DYRK1A: variants seen among roughly 807,000 people sequenced by gnomAD.
DYRK1A encodes the protein dual specificity tyrosine phosphorylation regulated kinase 1A.
In DYRK1A, 9 loss-of-function variants were observed where a neutral mutation model predicts 79.7. That is an observed-to-expected ratio of 0.11 (90% CI 0.07 to 0.20). The LOEUF is 0.20. DYRK1A is among the 10% of genes least tolerant of loss of function. The pLI, the probability that DYRK1A is intolerant of heterozygous loss-of-function variation, is 1.00. For synonymous variants in DYRK1A, 349 were observed against 329.7 expected, an observed-to-expected ratio of 1.06 and a Z score of -0.63; for missense variants, 622 against 956.0, an observed-to-expected ratio of 0.65 and a Z score of 4.61.
In DYRK1A at chr21:37,420,404, AC is replaced by A; in HGVS notation, c.10+21del. ...ATACAGGTGACTCAAGTTTTGAAATACAGTAAAACTCTGGCTAAGAGAATGT... is the reference window on the plus strand; with the variant it reads ...ATACAGGTGACTCAAGTTTTGAAATAAGTAAAACTCTGGCTAAGAGAATGT... On this transcript the variant is annotated intron_variant, in intron 2 of 11. Coordinates refer to ENST00000647188, the MANE Select transcript of DYRK1A (RefSeq NM_001347721.2). 6.2e-7 allele frequency: 1 copy of A among 1,611,082 alleles called. No homozygotes were observed. The highest frequency in any genetic ancestry group is 8.5e-7 in the Non-Finnish European group (1 of 1,177,962).
intron 2 of DYRK1A, among the ~76,000 whole-genome samples, chr21:37,458,401 A>G (rs116810333): frequency 0.01 from 1,543 of 152,086 alleles, 23 homozygotes; most frequent in African/African-American, 0.034. Flanking sequence ...TTGAACTTTA[A>G]CCACCATTTA....
chr21:37,416,315 GC>G (rs2050337881), intron 1 of DYRK1A, among the ~76,000 whole-genome samples: 1 of 97,024 alleles, frequency 1.0e-5, no homozygotes, highest in Non-Finnish European at 2.2e-5. Context: ...TTGTGTTTTG[GC>G]CTTTTTTTTT....
chr21:37,434,184 A>G (rs1028819249), intron 2 of DYRK1A, among the ~76,000 whole-genome samples: 6 of 151,970 alleles, frequency 3.9e-5, no homozygotes, highest in African/African-American at 1.5e-4. Context: ...CTTGAAATCT[A>G]CTCTGTCTTA....
intron 1 of DYRK1A, among the ~76,000 whole-genome samples, chr21:37,403,799 T>G (rs930393396): frequency 1.6e-5 from 2 of 127,566 alleles, no homozygotes; most frequent in African/African-American, 4.1e-5. Flanking sequence ...ATGAATACTG[T>G]TTTTTTTTTT....
intron 2 of DYRK1A, among the ~76,000 whole-genome samples, chr21:37,439,838 G>A (rs996136601): frequency 2.0e-4 from 30 of 151,990 alleles, no homozygotes; most frequent in African/African-American, 7.2e-4. Context: ...TGTTTTTTCT[G>A]CATCTCCCGA....
intron 1 of DYRK1A, among the ~76,000 whole-genome samples, chr21:37,389,667 A>G (rs2049832557): frequency 6.6e-6 from 1 of 151,994 alleles, no homozygotes; most frequent in African/African-American, 2.4e-5. Context: ...GCTTGTATTT[A>G]GGAGTAAGGC....
intron 2 of DYRK1A, among the ~76,000 whole-genome samples, chr21:37,465,880 A>G (rs2052008470): frequency 6.6e-6 from 1 of 152,196 alleles, no homozygotes; most frequent in East Asian, 1.9e-4. Flanking sequence ...CTACTGAATC[A>G]GAACCGTCAT....
intron 1 of DYRK1A, among the ~76,000 whole-genome samples, chr21:37,392,167 C>G (rs924077409): frequency 3.9e-5 from 6 of 152,202 alleles, no homozygotes; most frequent in Non-Finnish European, 1.5e-5. Flanking sequence ...ATAAAGCTGA[C>G]AACATACCCC....
intron 2 of DYRK1A, among the ~76,000 whole-genome samples, chr21:37,459,701 T>TA (rs2051775176): frequency 6.6e-6 from 1 of 152,234 alleles, no homozygotes; most frequent in Non-Finnish European, 1.5e-5. Flanking sequence ...GACATGATAC[T>TA]GCCTGACAGG....
intron 2 of DYRK1A, among the ~76,000 whole-genome samples, chr21:37,449,679 C>G (rs1200149330): frequency 6.6e-6 from 1 of 152,196 alleles, no homozygotes; most frequent in African/African-American, 2.4e-5. Flanking sequence ...ATCAGCAAGA[C>G]ATTGACTTCT....
At chr21:37,471,639 C>G (rs1007732655) in intron 2 of DYRK1A, among the ~76,000 whole-genome samples, 2 of 152,172 alleles carry the variant, frequency 1.3e-5, no homozygotes, top group Non-Finnish European at 2.9e-5. Context: ...TATGCATGGC[C>G]ATACAGCTGG....
intron 5 of DYRK1A, among the ~76,000 whole-genome samples, chr21:37,484,715 T>C (rs2148595171): frequency 6.6e-6 from 1 of 152,342 alleles, no homozygotes; most frequent in South Asian, 2.1e-4. Context: ...TGGCCCCTGA[T>C]GACTCAGTCT....
chr21:37,409,280 G>A (rs1052465028), intron 1 of DYRK1A, among the ~76,000 whole-genome samples: 6 of 152,158 alleles, frequency 3.9e-5, no homozygotes, highest in African/African-American at 1.2e-4. Flanking sequence ...GTTTACAGGT[G>A]CCACATCTTT....
rs1018001317 is a variant in DYRK1A at position 37,472,865 on chromosome 21, A to G, written c.192A>G (p.Gln64=). 6 of 1,576,766 alleles carry G rather than the reference A, an allele frequency of 3.8e-6. No homozygotes were observed. In the African/African-American group the frequency reaches 6.7e-5, roughly 18 times the overall value. The change falls in exon 3 of 12, where the codon CAA becomes CAG. Residue 64 remains glutamine (Q), a synonymous_variant. Coordinates refer to ENST00000647188, the MANE Select transcript of DYRK1A (RefSeq NM_001347721.2). ...SALSYSDQIQ[Q]PLTNQRRMPQ... ...TATCATATTCTGACCAGATTCAGCA[A>G]CCTCTAACTAACCAGGTAAGTTCAT...
At chr21:37,370,289 CT>C (rs777551450) in intron 1 of DYRK1A, among the ~76,000 whole-genome samples, 395 of 139,954 alleles carry the variant, frequency 2.8e-3, no homozygotes, top group Non-Finnish European at 2.9e-3. Context: ...ACTTGAAAAC[CT>C]TTTTTTTTTT....
intron 1 of DYRK1A, among the ~76,000 whole-genome samples, chr21:37,411,302 G>A (rs926524169): frequency 6.6e-6 from 1 of 152,022 alleles, no homozygotes; most frequent in Non-Finnish European, 1.5e-5. Context: ...GTTGCAGTGA[G>A]CTGAGATCAC....
At chr21:37,425,765 C>G (rs1452719674) in intron 2 of DYRK1A, 1 of 152,172 alleles carries the variant, frequency 6.6e-6, no homozygotes, top group African/African-American at 2.4e-5. Context: ...ACAGTATCCC[C>G]ACTGACTCAC....
chr21:37,388,696 G>GTC lies in DYRK1A; in HGVS notation c.-77+21069_-77+21070insCT, dbSNP rs371020735. On this transcript the variant is annotated intron_variant, in intron 1 of 11. Transcript: ENST00000647188. ...GTCTCGCTCTGTCGCCCAGGCTGGA[G>GTC]TGTAGTGGGGTGATCTCGGCTCACT... Among the ~76,000 whole-genome samples the GTC allele has an allele frequency of 4.7e-3, 706 of 151,692 alleles. 4 individuals are homozygous for GTC. Among genetic ancestry groups the GTC allele is most frequent in the Non-Finnish European group, 8.3e-3 (564 of 67,934 alleles).
rs763722038 is a variant in DYRK1A at position 37,420,350 on chromosome 21, A to G, written c.-25A>G. On this transcript the variant is annotated 5_prime_UTR_variant, in exon 2 of 12. It removes an upstream start codon present in the reference 5' UTR. Transcript: ENST00000647188. Reference sequence around the variant, plus strand: ...CCCTCCCTTCCCCCACCCCATCAGGATGATATGAGACTTGAAAGAAGACGA... The same window carrying G: ...CCCTCCCTTCCCCCACCCCATCAGGGTGATATGAGACTTGAAAGAAGACGA... 6.2e-7 allele frequency: 1 copy of G among 1,607,268 alleles called. No individual in the cohort carries two copies. Among genetic ancestry groups the G allele is most frequent in the South Asian group, 1.1e-5 (1 of 90,682 alleles).
Sources: allele counts gnomAD v4.1 joint callset (sites outside exome capture counted in the v4.1 genomes callset), GRCh38; gene constraint gnomAD v4.1.1; transcripts MANE v1.5; gene names NCBI Gene and HGNC (gene_info 2026-07-23, HGNC 2026-07-21).